COBL: variants seen among roughly 807,000 people sequenced by gnomAD.
COBL encodes cordon-bleu WH2 repeat protein, also known as protein cordon-bleu.
COBL carries 51 observed loss-of-function variants against 98.8 expected under a neutral mutation model. That is an observed-to-expected ratio of 0.52 (90% CI 0.41 to 0.65). The LOEUF is 0.65. Among genes scored for constraint, COBL ranks in the 30% least tolerant of loss-of-function variants. COBL has a pLI of 0.00. For synonymous variants in COBL, 634 were observed against 651.7 expected, an observed-to-expected ratio of 0.97 and a Z score of 0.41; for missense variants, 1,617 against 1,617.5, an observed-to-expected ratio of 1.00 and a Z score of 0.01.
chr7:51,061,810 G>GT (rs750390363), intron 7 of COBL, among the ~76,000 whole-genome samples: 63 of 152,180 alleles, frequency 4.1e-4, no homozygotes, highest in Non-Finnish European at 8.1e-4. Flanking sequence ...GCTCCAGGTT[G>GT]TGGGGCCTTG....
intron 7 of COBL, 36 bp downstream of exon 7, chr7:51,085,130 T>A (rs1418874410): frequency 6.2e-7 from 1 of 1,612,692 alleles, no homozygotes; most frequent in East Asian, 2.2e-5. Flanking sequence ...AGAGCAAGCA[T>A]CCCCGCATGC....
chr7:51,116,611 G>T (rs933567383), intron 6 of COBL, among the ~76,000 whole-genome samples: 4 of 151,960 alleles, frequency 2.6e-5, no homozygotes, highest in African/African-American at 4.8e-5. Context: ...GAAATTAAGA[G>T]AAAAAATAGT....
At chr7:51,247,040 G>A (rs1796324629) in intron 1 of COBL, among the ~76,000 whole-genome samples, 1 of 152,198 alleles carries the variant, frequency 6.6e-6, no homozygotes, top group Non-Finnish European at 1.5e-5. Flanking sequence ...AGGACTCAGT[G>A]CCTCACAAAA....
intron 8 of COBL, among the ~76,000 whole-genome samples, chr7:51,042,171 A>C (rs1450989331): frequency 6.6e-6 from 1 of 152,222 alleles, no homozygotes; most frequent in Non-Finnish European, 1.5e-5. Flanking sequence ...GATCTCTTAA[A>C]TAGGCAAAGA....
At chr7:51,064,681 G>T (rs764747) in intron 7 of COBL, 142,001 of 153,342 alleles carry the variant, frequency 0.93, 65,948 homozygotes, top group Middle Eastern at 0.96. Context: ...CCTGGAGATC[G>T]GTTTCACAGC....
intron 6 of COBL, among the ~76,000 whole-genome samples, chr7:51,123,575 C>T (rs1032894535): frequency 6.6e-6 from 1 of 152,116 alleles, no homozygotes; most frequent in African/African-American, 2.4e-5. Context: ...ACAGACAGTG[C>T]TAAGAAAACA....
intron 1 of COBL, among the ~76,000 whole-genome samples, chr7:51,305,005 G>GC: frequency 6.6e-6 from 1 of 152,186 alleles, no homozygotes; most frequent in East Asian, 1.9e-4. Context: ...CCAGAGCATA[G>GC]CCCCCGCCCC....
chr7:51,181,910 A>C (rs529073215), intron 5 of COBL, among the ~76,000 whole-genome samples: 1 of 152,328 alleles, frequency 6.6e-6, no homozygotes, highest in Non-Finnish European at 1.5e-5. Flanking sequence ...CTGCGCCTTC[A>C]CTGCTGTGTT....
At chr7:51,241,478 C>T (rs1795789508) in intron 1 of COBL, among the ~76,000 whole-genome samples, 1 of 152,132 alleles carries the variant, frequency 6.6e-6, no homozygotes, top group South Asian at 2.1e-4. Context: ...TGTGCAGATC[C>T]CATTAAGAAA....
chr7:51,262,482 G>C (rs139208231), intron 1 of COBL, among the ~76,000 whole-genome samples: 1 of 152,216 alleles, frequency 6.6e-6, no homozygotes, highest in African/African-American at 2.4e-5. Flanking sequence ...GGACTCCTGC[G>C]ACTCAGGACT....
chr7:51,042,196 G>A (rs914451950), intron 8 of COBL, among the ~76,000 whole-genome samples: 1 of 151,956 alleles, frequency 6.6e-6, no homozygotes, highest in Non-Finnish European at 1.5e-5. Context: ...ATACATCTGA[G>A]AGAAAAAGGA....
intron 1 of COBL, among the ~76,000 whole-genome samples, chr7:51,313,561 A>C (rs1250853782): frequency 6.6e-6 from 1 of 152,212 alleles, no homozygotes; most frequent in African/African-American, 2.4e-5. Context: ...ACAGCCATTG[A>C]TCAAATGCAC....
intron 7 of COBL, among the ~76,000 whole-genome samples, chr7:51,051,966 G>A (rs949704424): frequency 6.6e-6 from 1 of 152,202 alleles, no homozygotes; most frequent in African/African-American, 2.4e-5. Flanking sequence ...CTATGCCACT[G>A]TCATGGGCTT....
chr7:51,307,908 G>T (rs190547668), intron 1 of COBL, among the ~76,000 whole-genome samples: 7 of 152,310 alleles, frequency 4.6e-5, no homozygotes. Context: ...TGAGAGATCT[G>T]CAATTCACTC....
At chr7:51,066,167 T>C (rs1211063736) in intron 7 of COBL, among the ~76,000 whole-genome samples, 1 of 152,250 alleles carries the variant, frequency 6.6e-6, no homozygotes, top group Non-Finnish European at 1.5e-5. Context: ...GGCCCACACA[T>C]GGTGACTGTC....
intron 6 of COBL, among the ~76,000 whole-genome samples, chr7:51,126,552 A>T (rs965807388): frequency 6.6e-6 from 1 of 152,060 alleles, no homozygotes; most frequent in African/African-American, 2.4e-5. Flanking sequence ...TTAGACTTGA[A>T]ATTGAAGGGC....
intron 5 of COBL, among the ~76,000 whole-genome samples, chr7:51,154,531 C>A (rs1288678012): frequency 1.3e-5 from 2 of 152,172 alleles, no homozygotes; most frequent in Non-Finnish European, 1.5e-5. Flanking sequence ...CCAGCAAAAG[C>A]ATTAAAATGA....
At chr7:51,305,573 A>G (rs558327428) in intron 1 of COBL, among the ~76,000 whole-genome samples, 2 of 152,318 alleles carry the variant, frequency 1.3e-5, no homozygotes, top group South Asian at 2.1e-4. Context: ...GTGAAACATC[A>G]TAAGGAGGAT....
chr7:51,260,685 C>T (rs1167185520), intron 1 of COBL, among the ~76,000 whole-genome samples: 2 of 152,174 alleles, frequency 1.3e-5, no homozygotes, highest in Non-Finnish European at 2.9e-5. Context: ...AGGGTCGCTA[C>T]AGGAGAAGAT....
Sources: allele counts gnomAD v4.1 joint callset (sites outside exome capture counted in the v4.1 genomes callset), GRCh38; gene constraint gnomAD v4.1.1; transcripts MANE v1.5; gene names NCBI Gene and HGNC (gene_info 2026-07-23, HGNC 2026-07-21).